Variants in POP4 observed in about 807,000 individuals in gnomAD.
The protein encoded by POP4 is POP4 ribonuclease P/MRP subunit, also known as ribonuclease P protein subunit p29.
Under a neutral mutation model 29.9 loss-of-function variants are expected in POP4, and 31 were observed. The observed-to-expected ratio is 1.04, with a 90% CI of 0.78 to 1.40. The LOEUF (loss-of-function observed/expected upper bound fraction) is 1.40. Ranked by LOEUF, POP4 falls within the 40% of genes most tolerant of loss-of-function variation. POP4 has a pLI of 0.00. For missense variants in POP4, 286 were observed against 282.7 expected (o/e 1.01, Z -0.08); for synonymous variants, 110 against 108.2 (o/e 1.02, Z -0.10).
At chr19:29,609,403 G>T (rs1234750896) in intron 2 of POP4, among the ~76,000 whole-genome samples, 1 of 152,230 alleles carries the variant, frequency 6.6e-6, no homozygotes, top group Non-Finnish European at 1.5e-5. Context: ...AAGGAAGGCT[G>T]CGTTACTATT....
chr19:29,608,172 T>TTAA, intron 1 of POP4, among the ~76,000 whole-genome samples: 1 of 152,226 alleles, frequency 6.6e-6, no homozygotes, highest in Non-Finnish European at 1.5e-5. Flanking sequence ...AGCTTTGCTC[T>TTAA]TAATACCAAC....
Position 29,615,453 on chromosome 19 carries a change from G to A in POP4, c.*73G>A. 3 of 1,535,378 alleles carry A rather than the reference G, an allele frequency of 2.0e-6. No homozygotes were observed. The highest frequency in any genetic ancestry group is 2.7e-6 in the Non-Finnish European group (3 of 1,127,428). ...ACTCCCTAAATGTCCACCTTTCAGT[G>A]AAGAGATAGTTAAGCCAATTCCATT... On this transcript the variant is annotated 3_prime_UTR_variant, in exon 7 of 7. Coordinates refer to ENST00000585603, the MANE Select transcript of POP4 (RefSeq NM_006627.3).
intron 2 of POP4, chr19:29,608,990 G>T: frequency 2.9e-6 from 1 of 345,180 alleles, no homozygotes; most frequent in Admixed American, 4.7e-5. Context: ...GTGCCCACGT[G>T]GTGGGCAGCA....
At chr19:29,607,542 A>G (rs576570535) in intron 1 of POP4, among the ~76,000 whole-genome samples, 2 of 152,346 alleles carry the variant, frequency 1.3e-5, no homozygotes, top group African/African-American at 2.4e-5. Context: ...TTAAATTTAC[A>G]GAGTATAGTG....
Position 29,612,099 on chromosome 19 carries a change from C to T in POP4, c.363-18C>T. 6.2e-7 allele frequency: 1 copy of T among 1,602,302 alleles called. No individual in the cohort carries two copies. The highest frequency in any genetic ancestry group is 1.4e-5 in the African/African-American group (1 of 74,024). ...TTTTTATCATGATGTAAACCAAGGG[C>T]TTCTGTTTACCCTGCAGGCAGCCAC... is the stretch of plus-strand genomic sequence containing the variant. On this transcript the variant is annotated intron_variant, in intron 4 of 6. Transcript: ENST00000585603.
At chr19:29,612,893 A>G (rs1471970814) in intron 5 of POP4, among the ~76,000 whole-genome samples, 1 of 152,226 alleles carries the variant, frequency 6.6e-6, no homozygotes, top group Non-Finnish European at 1.5e-5. Context: ...AGTGCCGGTT[A>G]CGTAGAAATC....
At chr19:29,614,793 C>T (rs3826698) in intron 6 of POP4, among the ~76,000 whole-genome samples, 5,090 of 152,194 alleles carry the variant, frequency 0.033, 129 homozygotes, top group East Asian at 0.12. Context: ...TGTGAGCCAC[C>T]GCGCCCAGCC....
chr19:29,606,883 C>T (rs540688267), intron 1 of POP4, among the ~76,000 whole-genome samples: 1 of 152,248 alleles, frequency 6.6e-6, no homozygotes, highest in African/African-American at 2.4e-5. Flanking sequence ...TCAGTTTGCT[C>T]ATGCACATAA....
rs201474080 is a variant in POP4, at chr19:29,608,673, A to G, written c.24A>G (p.Ala8=). The G allele has an allele frequency of 9.3e-6, 15 of 1,613,910 alleles. No individual in the cohort carries two copies. The highest frequency in any genetic ancestry group is 2.2e-5 in the South Asian group (2 of 91,078). The change falls in exon 2 of 7, where the codon GCA becomes GCG. Residue 8 remains alanine (A), a synonymous_variant. Coordinates refer to ENST00000585603, the MANE Select transcript of POP4 (RefSeq NM_006627.3). ...ATCCCCCAGGTGTGATCTACCATGC[A>G]TTGTCTCAGAAAGAGGCGAATGACT... MKSVIYH[A]LSQKEANDSD... is the part of the protein sequence containing the mutation.
At chr19:29,610,853 T>C (rs950861658) in intron 3 of POP4, 5 of 566,714 alleles carry the variant, frequency 8.8e-6, no homozygotes, top group Admixed American at 3.1e-5. Flanking sequence ...CCTTCAGGAG[T>C]AAGACCCGTG....
chr19:29,608,428 G>A (rs544886451), intron 1 of POP4, among the ~76,000 whole-genome samples: 161 of 151,634 alleles, frequency 1.1e-3, no homozygotes, highest in Admixed American at 1.6e-3. Context: ...CACCATCCCC[G>A]GCTAATTTTT....
Position 29,613,839 on chromosome 19 carries a change from C to T in POP4, c.425-32C>T, listed in dbSNP as rs2145558981. 1.9e-6 allele frequency: 3 copies of T among 1,597,966 alleles called. No individual in the cohort carries two copies. The South Asian group carries it at 3.4e-5, about 18-fold the overall frequency. Reference sequence around the variant, plus strand: ...TGTGGTTCCCCCAGCACCACAGAGGCCTGAGCCTGGAACTGTCCTTTTTCT... The same window carrying T: ...TGTGGTTCCCCCAGCACCACAGAGGTCTGAGCCTGGAACTGTCCTTTTTCT... On this transcript the variant is annotated intron_variant, in intron 5 of 6. Coordinates refer to ENST00000585603, the MANE Select transcript of POP4 (RefSeq NM_006627.3).
At chr19:29,608,935 TC>T (rs1220881461) in intron 2 of POP4, 1 of 513,924 alleles carries the variant, frequency 1.9e-6, no homozygotes, top group Non-Finnish European at 3.5e-6. Context: ...AATGAGGCTT[TC>T]CTTAACCTTT....
chr19:29,608,871 C>A, intron 2 of POP4, 162 bp downstream of exon 2: 1 of 632,018 alleles, frequency 1.6e-6, no homozygotes, highest in Non-Finnish European at 2.7e-6. Flanking sequence ...GTTCTCATTA[C>A]CTGTTCCCAC....
chr19:29,611,606 TTC>T (rs1330052586), intron 3 of POP4: 2 of 438,404 alleles, frequency 4.6e-6, no homozygotes, highest in African/African-American at 4.1e-5. Flanking sequence ...TCACGTTTAT[TTC>T]TCTCTCATGA....
At position 29,610,395 on chromosome 19, in the gene POP4, T is replaced by G; in HGVS notation, c.61-14T>G. The stretch of plus-strand genomic sequence containing the variant: ...CCGGAGCAGTGAGCGCCGCACCCCC[T>G]TGTCCGCCTGCAGCCTTCAGGAGCA... On this transcript the variant is annotated splice_polypyrimidine_tract_variant and intron_variant, in intron 2 of 6. Transcript: ENST00000585603. The G allele has an allele frequency of 6.5e-7, 1 of 1,544,446 alleles. No individual in the cohort carries two copies. Among genetic ancestry groups the G allele is most frequent in the East Asian group, 2.4e-5 (1 of 41,156 alleles).
intron 1 of POP4, 27 bp downstream of exon 1, chr19:29,606,352 G>T (rs1970995844): frequency 6.2e-7 from 1 of 1,603,422 alleles, no homozygotes; most frequent in Non-Finnish European, 8.5e-7. Context: ...AGTTGGAGAG[G>T]GTTGGGGACG....
rs569643036 is a variant in POP4 at position 29,614,661 on chromosome 19, G to A, written c.527-583G>A. Among the ~76,000 whole-genome samples, 9 of 152,008 alleles carry A rather than the reference G, an allele frequency of 5.9e-5. No individual in the cohort carries two copies. In the South Asian group the frequency reaches 6.2e-4, roughly 11 times the overall value. On this transcript the variant is annotated intron_variant, in intron 6 of 6. Transcript: ENST00000585603. ...TGGGATTACAGGCACGCGCCACCACGCCCGGCTAATTTTTGTATTTTTAGT... is the reference window on the plus strand; with the variant it reads ...TGGGATTACAGGCACGCGCCACCACACCCGGCTAATTTTTGTATTTTTAGT...
intron 5 of POP4, 67 bp from the exon 6 acceptor site, chr19:29,613,804 C>T: frequency 6.5e-7 from 1 of 1,544,364 alleles, no homozygotes; most frequent in East Asian, 2.3e-5. Context: ...ACCCCTGAGG[C>T]CTGCTTCTCT....
Sources: allele counts gnomAD v4.1 joint callset (sites outside exome capture counted in the v4.1 genomes callset), GRCh38; gene constraint gnomAD v4.1.1; transcripts MANE v1.5; gene names NCBI Gene and HGNC (gene_info 2026-07-23, HGNC 2026-07-21).